The following FGD3 variants were observed in gnomAD, a reference collection of about 807,000 sequenced individuals.
FGD3 encodes FYVE, RhoGEF and PH domain-containing protein 3.
Under a neutral mutation model 71.8 loss-of-function variants are expected in FGD3, and 45 were observed. That is an observed-to-expected ratio of 0.63 (90% CI 0.49 to 0.80). The LOEUF (loss-of-function observed/expected upper bound fraction) is 0.80. Ranked by LOEUF, FGD3 falls within the 30% of genes least tolerant of loss-of-function variation. The pLI is 0.00. For missense variants in FGD3, 844 were observed against 951.5 expected, an observed-to-expected ratio of 0.89 and a Z score of 1.49; for synonymous variants, 378 against 392.8, an observed-to-expected ratio of 0.96 and a Z score of 0.44.
At chr9:93,000,562 C>T (rs768809069) in intron 3 of FGD3, among the ~76,000 whole-genome samples, 41 of 152,080 alleles carry the variant, frequency 2.7e-4, no homozygotes, top group Non-Finnish European at 5.4e-4. Flanking sequence ...ATACAATATT[C>T]TTTGTTGACA....
At chr9:92,994,974 T>C (rs1004888640) in intron 3 of FGD3, among the ~76,000 whole-genome samples, 23 of 152,214 alleles carry the variant, frequency 1.5e-4, no homozygotes, top group Admixed American at 1.5e-3. Flanking sequence ...TTTGGTTCCA[T>C]ATGAACTTTA....
intron 3 of FGD3, among the ~76,000 whole-genome samples, chr9:92,981,794 A>C (rs1187810034): frequency 6.6e-6 from 1 of 152,054 alleles, no homozygotes; most frequent in African/African-American, 2.4e-5. Context: ...ATATAATGTC[A>C]TTCTTTGCTT....
chr9:92,950,327 G>A (rs1341422862), intron 1 of FGD3, among the ~76,000 whole-genome samples: 1 of 151,670 alleles, frequency 6.6e-6, no homozygotes, highest in Non-Finnish European at 1.5e-5. Flanking sequence ...TGAGGCAGGA[G>A]AATGGCTTGA....
At chr9:93,009,185 C>T (rs993682797) in intron 6 of FGD3, among the ~76,000 whole-genome samples, 5 of 152,066 alleles carry the variant, frequency 3.3e-5, no homozygotes, top group African/African-American at 1.2e-4. Context: ...ATTGCTTGAA[C>T]CTGGGAGGCG....
chr9:92,961,140 T>C (rs1859160257), intron 1 of FGD3, among the ~76,000 whole-genome samples: 1 of 152,048 alleles, frequency 6.6e-6, no homozygotes, highest in East Asian at 1.9e-4. Flanking sequence ...TCCCTGGCCA[T>C]GGCCAGCTTT....
At chr9:93,010,202 C>T (rs777731014) in intron 6 of FGD3, 44 bp from the exon 7 acceptor site, 4 of 1,558,096 alleles carry the variant, frequency 2.6e-6, no homozygotes, top group South Asian at 2.3e-5. Flanking sequence ...CTGGCATCCA[C>T]ACACGTGTCC....
Position 93,032,632 on chromosome 9 carries a change from A to AT in FGD3, c.1681-136dup, listed in dbSNP as rs950542843. The AT allele has an allele frequency of 7.9e-5, 65 of 818,720 alleles. No individual in the cohort carries two copies. The African/African-American group carries it at 9.7e-4, about 12-fold the overall frequency. 50.7% of individuals were successfully genotyped at this position (818,720 alleles called of 1,614,324 possible). ...GGGCTCCCCTCAAGGAGAAGCTCTT[A>AT]TCCCTCGCCACACGCCACACTGTGT... On this transcript the variant is annotated intron_variant, in intron 15 of 17. Transcript: ENST00000375482.
chr9:92,958,716 A>T (rs1859111081), intron 1 of FGD3, among the ~76,000 whole-genome samples: 1 of 152,040 alleles, frequency 6.6e-6, no homozygotes, highest in Non-Finnish European at 1.5e-5. Context: ...TAAGGTTTGG[A>T]TTCATTTCTA....
At chr9:93,035,014 T>A (rs2118852896) in intron 17 of FGD3, among the ~76,000 whole-genome samples, 1 of 152,224 alleles carries the variant, frequency 6.6e-6, no homozygotes, top group East Asian at 1.9e-4. Context: ...CAGTTGCTAC[T>A]CTGTCACAGG....
chr9:93,029,377 A>C (rs906834979), intron 14 of FGD3, among the ~76,000 whole-genome samples: 1 of 152,144 alleles, frequency 6.6e-6, no homozygotes, highest in African/African-American at 2.4e-5. Context: ...CTGCACACTC[A>C]GGCATGTGGG....
intron 14 of FGD3, among the ~76,000 whole-genome samples, chr9:93,028,995 GTTTTTTTTTTTTTTTTTTTTTTTTTTTTT>G (rs869235976): frequency 3.9e-5 from 2 of 51,716 alleles, no homozygotes; most frequent in East Asian, 1.4e-3. Context: ...TGTCCTCACA[GTTTTTTTTTTTTTTTTTTTTTTTTTTTTT>G]TTTTTTTTTT....
rs1273149261 is a variant in FGD3, at chr9:93,006,099, G to C, written c.756G>C (p.Lys252Asn). The C allele has an allele frequency of 6.2e-7, 1 of 1,613,402 alleles. No homozygotes were observed. Among genetic ancestry groups the C allele is most frequent in the South Asian group, 1.1e-5 (1 of 90,942 alleles). The change falls in exon 6 of 18, where the codon AAG (lysine) becomes AAC (asparagine). Residue 252 changes from lysine (K) to asparagine (N), a missense_variant. By Grantham distance (94) the Lys-to-Asn change is moderately conservative (BLOSUM62 0). Transcript: ENST00000375482. The part of the protein sequence containing the change: ...PFLKMYGEYV[K>N]NFDRAVGLVS... The stretch of plus-strand genomic sequence containing the variant: ...TGAAGATGTACGGCGAGTATGTCAA[G>C]AACTTTGACCGAGCCGTAGGGCTGG...
In FGD3 at chr9:93,004,042, A is replaced by G. The variant is rs1042904384; in HGVS notation, c.585A>G (p.Glu195=). Residue 195 remains glutamate (E), a synonymous_variant, in exon 5 of 18, where the codon GAA becomes GAG. Coordinates refer to ENST00000375482, the MANE Select transcript of FGD3 (RefSeq NM_001083536.2). ...TGACGGATGCGGGGATCCCTCCAGA[A>G]GTCATCATGGGCATATTCTCTAACA... ...TRLTDAGIPP[E]VIMGIFSNIS... 2.5e-6 allele frequency: 4 copies of G among 1,614,190 alleles called. No homozygotes were observed. In the African/African-American group the frequency reaches 4.0e-5, roughly 16 times the overall value.
intron 3 of FGD3, among the ~76,000 whole-genome samples, chr9:92,980,855 C>T (rs983495661): frequency 3.3e-5 from 5 of 151,150 alleles, no homozygotes; most frequent in Non-Finnish European, 4.4e-5. Flanking sequence ...CTTGTAATCC[C>T]AGCTACTCGG....
chr9:93,026,503 G>A (rs1237111719), intron 14 of FGD3, among the ~76,000 whole-genome samples: 13 of 152,164 alleles, frequency 8.5e-5, no homozygotes, highest in Admixed American at 2.6e-4. Flanking sequence ...TGGCCTCGAC[G>A]GGCTGCGGAC....
intron 6 of FGD3, among the ~76,000 whole-genome samples, chr9:93,007,613 G>C (rs1379714718): frequency 6.6e-6 from 1 of 152,172 alleles, no homozygotes; most frequent in African/African-American, 2.4e-5. Flanking sequence ...GATCGCGCCT[G>C]CCATGTCCTG....
rs955251229 is a variant in FGD3 at position 93,010,124 on chromosome 9, G to T, written c.838-122G>T. Reference sequence around the variant, plus strand: ...GGTCTGTGTCAGCCATGTCTTGAAGGACAGTCAGTTCTGGGCAGCCAGTTC... The same window carrying T: ...GGTCTGTGTCAGCCATGTCTTGAAGTACAGTCAGTTCTGGGCAGCCAGTTC... On this transcript the variant is annotated intron_variant, in intron 6 of 17. Coordinates refer to ENST00000375482, the MANE Select transcript of FGD3 (RefSeq NM_001083536.2). 10 of 1,188,208 alleles carry T rather than the reference G, an allele frequency of 8.4e-6. No individual in the cohort carries two copies. In the African/African-American group the frequency reaches 1.4e-4, roughly 17 times the overall value. The allele number at this position is 1,188,208 out of a possible 1,614,324, so 73.6% of individuals were successfully genotyped here.
intron 8 of FGD3, among the ~76,000 whole-genome samples, chr9:93,011,723 G>A (rs1262377962): frequency 2.0e-5 from 3 of 151,626 alleles, no homozygotes; most frequent in African/African-American, 7.3e-5. Flanking sequence ...GGGCGTAGTG[G>A]TGTATGCCTG....
At chr9:92,949,415 G>T (rs754295561) in intron 1 of FGD3, among the ~76,000 whole-genome samples, 2 of 152,152 alleles carry the variant, frequency 1.3e-5, no homozygotes, top group Non-Finnish European at 2.9e-5. Context: ...GTCTGCAGCG[G>T]GGCGTCCGTC....
Sources: allele counts gnomAD v4.1 joint callset (sites outside exome capture counted in the v4.1 genomes callset), GRCh38; gene constraint gnomAD v4.1.1; transcripts MANE v1.5; gene names NCBI Gene and HGNC (gene_info 2026-07-23, HGNC 2026-07-21).